Variants in RAD51AP1 observed in about 807,000 individuals in gnomAD.
RAD51AP1 encodes the protein RAD51-associated protein 1.
RAD51AP1 carries 14 observed loss-of-function variants against 34.3 expected under a neutral mutation model. That is an observed-to-expected ratio of 0.41 (90% CI 0.27 to 0.64). RAD51AP1 has a LOEUF of 0.64. RAD51AP1 is among the 30% of genes least tolerant of loss of function. The pLI is 0.33. For missense variants in RAD51AP1, 348 were observed against 386.9 expected, an observed-to-expected ratio of 0.90 and a Z score of 0.84; for synonymous variants, 114 against 129.8, an observed-to-expected ratio of 0.88 and a Z score of 0.83.
intron 1 of RAD51AP1, among the ~76,000 whole-genome samples, chr12:4,539,421 G>C (rs1591768130): frequency 6.6e-6 from 1 of 152,116 alleles, no homozygotes; most frequent in Non-Finnish European, 1.5e-5. Flanking sequence ...GCTTTCCATC[G>C]TGGTATTAGA....
At chr12:4,547,033 C>CT (rs986646150) in intron 4 of RAD51AP1, among the ~76,000 whole-genome samples, 3 of 151,994 alleles carry the variant, frequency 2.0e-5, no homozygotes, top group Non-Finnish European at 4.4e-5. Context: ...ATACATGGAG[C>CT]TTTTTTCTTT....
Position 4,553,686 on chromosome 12 carries a change from T to C in RAD51AP1, c.721+539T>C, listed in dbSNP as rs1325330319. On this transcript the variant is annotated intron_variant, in intron 7 of 8. Transcript: ENST00000352618. ...AAACAAATTCCATTAGAAACTACTTTTATGATAAAACGTTTAAAATTTATG... is the reference window on the plus strand; with the variant it reads ...AAACAAATTCCATTAGAAACTACTTCTATGATAAAACGTTTAAAATTTATG... Among the ~76,000 whole-genome samples, 12 of 152,092 alleles carry C rather than the reference T, an allele frequency of 7.9e-5. No homozygotes were observed. In the East Asian group the frequency reaches 2.1e-3, roughly 27 times the overall value.
At chr12:4,549,179 TG>T (rs1248148691) in intron 6 of RAD51AP1, among the ~76,000 whole-genome samples, 1 of 152,178 alleles carries the variant, frequency 6.6e-6, no homozygotes, top group Non-Finnish European at 1.5e-5. Context: ...AGAGGGAGGC[TG>T]GTACTAATCA....
chr12:4,555,079 A>G (rs534799570), intron 7 of RAD51AP1, among the ~76,000 whole-genome samples: 2 of 152,164 alleles, frequency 1.3e-5, no homozygotes, highest in African/African-American at 4.8e-5. Context: ...GGAAGAGTAT[A>G]CGGTGAAAAT....
chr12:4,539,157 C>G (rs370587150), intron 1 of RAD51AP1, among the ~76,000 whole-genome samples: 1 of 152,294 alleles, frequency 6.6e-6, no homozygotes, highest in African/African-American at 2.4e-5. Context: ...CTCTTTGCCT[C>G]CCTTCACAAC....
chr12:4,550,716 C>T (rs181016612), intron 6 of RAD51AP1, among the ~76,000 whole-genome samples: 1 of 152,330 alleles, frequency 6.6e-6, no homozygotes, highest in Admixed American at 6.5e-5. Flanking sequence ...CTTGGCTGAC[C>T]ATGGCCTCCG....
Position 4,548,804 on chromosome 12 carries a change from G to T in RAD51AP1, c.524G>T (p.Ser175Ile). Residue 175 changes from serine (S) to isoleucine (I), a missense_variant, in exon 6 of 9, where the codon AGT (serine) becomes ATT (isoleucine). By Grantham distance (142) the Ser-to-Ile change is moderately radical. Coordinates refer to ENST00000352618, the MANE Select transcript of RAD51AP1 (RefSeq NM_006479.5). ...KILLEGSDGDSANDTEPDFAP... is the reference protein window; with the variant it reads ...KILLEGSDGDIANDTEPDFAP... ...CTTCTGGAAGGCAGTGATGGTGATAGTGCTAATGACACTGAACCAGACTTT... is the reference window on the plus strand; with the variant it reads ...CTTCTGGAAGGCAGTGATGGTGATATTGCTAATGACACTGAACCAGACTTT... The T allele has an allele frequency of 6.2e-7, 1 of 1,614,084 alleles. No individual in the cohort carries two copies. The highest frequency in any genetic ancestry group is 8.5e-7 in the Non-Finnish European group (1 of 1,179,964).
At chr12:4,539,701 C>G (rs1201743668) in intron 1 of RAD51AP1, among the ~76,000 whole-genome samples, 1 of 152,076 alleles carries the variant, frequency 6.6e-6, no homozygotes, top group Non-Finnish European at 1.5e-5. Context: ...GAATAGGAGC[C>G]AAGGCCCCAT....
At chr12:4,544,357 TC>T (rs1944490775) in intron 3 of RAD51AP1, among the ~76,000 whole-genome samples, 1 of 152,212 alleles carries the variant, frequency 6.6e-6, no homozygotes, top group East Asian at 1.9e-4. Context: ...AGTGAGAAGT[TC>T]CCATAGTTTC....
intron 2 of RAD51AP1, among the ~76,000 whole-genome samples, chr12:4,542,448 A>G (rs772879140): frequency 6.6e-6 from 1 of 152,188 alleles, no homozygotes; most frequent in African/African-American, 2.4e-5. Flanking sequence ...TTCTTAGACC[A>G]CTAGAGTTTT....
In RAD51AP1 at chr12:4,548,771, G is replaced by A; in HGVS notation, c.491G>A (p.Arg164Lys). 1.2e-6 allele frequency: 2 copies of A among 1,614,060 alleles called. No homozygotes were observed. The highest frequency in any genetic ancestry group is 1.7e-5 in the Admixed American group (1 of 60,010). ...KAASKAAAQQ[R>K]KILLEGSDGD... ...GCATCTAAAGCTGCAGCACAGCAGA[G>A]GAAGATTCTTCTGGAAGGCAGTGAT... Residue 164 changes from arginine to lysine, a missense_variant, in exon 6 of 9, where the codon AGG becomes AAG. By Grantham distance (26) the Arg-to-Lys change is conservative. Transcript: ENST00000352618.
chr12:4,545,363 C>A, intron 3 of RAD51AP1: 1 of 335,782 alleles, frequency 3.0e-6, no homozygotes, highest in Non-Finnish European at 5.9e-6. Context: ...ATAGGCAAAT[C>A]CATAGAAACG....
chr12:4,544,324 C>CCTG (rs1283011018), intron 3 of RAD51AP1, among the ~76,000 whole-genome samples: 1 of 152,060 alleles, frequency 6.6e-6, no homozygotes, highest in Non-Finnish European at 1.5e-5. Context: ...GTCTTCTCCC[C>CCTG]ATGTTGTTAA....
chr12:4,541,498 A>G (rs372450023), intron 1 of RAD51AP1, among the ~76,000 whole-genome samples: 2 of 152,208 alleles, frequency 1.3e-5, no homozygotes, highest in African/African-American at 4.8e-5. Context: ...AATGCCCAAC[A>G]GCAATTAAAC....
chr12:4,554,813 T>A (rs1300608878), intron 7 of RAD51AP1, among the ~76,000 whole-genome samples: 1 of 152,208 alleles, frequency 6.6e-6, no homozygotes, highest in Admixed American at 6.5e-5. Context: ...TTTCCCTTGA[T>A]AGAAAAAATG....
intron 2 of RAD51AP1, among the ~76,000 whole-genome samples, chr12:4,543,190 G>T (rs756571483): frequency 1.3e-5 from 2 of 152,106 alleles, no homozygotes; most frequent in Non-Finnish European, 2.9e-5. Context: ...CTCCTGAGTA[G>T]CTGGGATTAT....
chr12:4,541,003 A>G (rs1591769341), intron 1 of RAD51AP1, among the ~76,000 whole-genome samples: 1 of 152,180 alleles, frequency 6.6e-6, no homozygotes, highest in Non-Finnish European at 1.5e-5. Context: ...AACTAGAAAA[A>G]CATTTTATTT....
intron 6 of RAD51AP1, chr12:4,550,439 GCTT>G (rs750176611): frequency 5.3e-5 from 8 of 152,236 alleles, no homozygotes; most frequent in Non-Finnish European, 1.2e-4. Context: ...TGAGCGGAGA[GCTT>G]CTTAGGATTG....
At chr12:4,553,750 AAGTT>A (rs1357721312) in intron 7 of RAD51AP1, among the ~76,000 whole-genome samples, 1 of 152,132 alleles carries the variant, frequency 6.6e-6, no homozygotes, top group South Asian at 2.1e-4. Flanking sequence ...TGTGTAAAAG[AAGTT>A]AGGATATTTT....
Sources: gnomAD v4.1 joint callset for allele counts (sites outside exome capture counted in the v4.1 genomes callset) on GRCh38, gnomAD v4.1.1 for gene constraint, MANE v1.5 for transcripts, NCBI Gene and HGNC (gene_info 2026-07-23, HGNC 2026-07-21) for gene names.